Variants in PHKG1 observed in about 807,000 individuals in gnomAD.
PHKG1 encodes the protein phosphorylase b kinase gamma catalytic chain, skeletal muscle/heart isoform.
In PHKG1, 48 loss-of-function variants were observed where a neutral mutation model predicts 50.5. The observed-to-expected ratio is 0.95, with a 90% CI of 0.75 to 1.21. The LOEUF is 1.21. Ranked by LOEUF, PHKG1 falls within the 50% of genes most tolerant of loss-of-function variation. The pLI is 0.00. For missense variants in PHKG1, 487 were observed against 519.5 expected, an observed-to-expected ratio of 0.94 and a Z score of 0.61; for synonymous variants, 204 against 212.8, an observed-to-expected ratio of 0.96 and a Z score of 0.36.
At chr7:56,090,146 C>T (rs1249713971) in intron 1 of PHKG1, among the ~76,000 whole-genome samples, 1 of 151,982 alleles carries the variant, frequency 6.6e-6, no homozygotes, top group Non-Finnish European at 1.5e-5. Context: ...GACGGAGTCT[C>T]AGTCCGTCAC....
chr7:56,088,728 G>T (rs559952561), intron 2 of PHKG1, 131 bp downstream of exon 2: 1 of 628,366 alleles, frequency 1.6e-6, no homozygotes, highest in East Asian at 2.8e-5. Flanking sequence ...CCAAACAAAG[G>T]GTTTCTCCAA....
At chr7:56,086,809 G>A (rs557407593) in intron 4 of PHKG1, 161 bp downstream of exon 4, 7 of 624,222 alleles carry the variant, frequency 1.1e-5, no homozygotes, top group Middle Eastern at 3.4e-4. Flanking sequence ...TTCCAAAGCC[G>A]GCAGCCTGAC....
chr7:56,081,987 C>T lies in PHKG1; in HGVS notation c.698G>A (p.Arg233Gln), dbSNP rs377598630. The T allele has an allele frequency of 9.9e-6, 16 of 1,613,814 alleles. No individual in the cohort carries two copies. The highest frequency in any genetic ancestry group is 2.2e-5 in the South Asian group (2 of 91,092). Residue 233 changes from arginine to glutamine, a missense_variant, in exon 8 of 10, where the codon CGG (arginine) becomes CAG (glutamine). Physicochemically the swap from Arg to Gln is conservative, Grantham distance 43. Transcript: ENST00000297373. This position sits in a 1 kb window ranked among gnomAD's most constrained non-coding sequence, Gnocchi z 4.6. ...LLAGSPPFWH[R>Q]KQMLMLRMIM... Reference sequence around the variant, plus strand: ...CATCCTCAGCATCAGCATCTGCTTCCGGTGCCAGAAGGGCGGGGAGCCGGC... The same window carrying T: ...CATCCTCAGCATCAGCATCTGCTTCTGGTGCCAGAAGGGCGGGGAGCCGGC...
intron 6 of PHKG1, among the ~76,000 whole-genome samples, 156 bp from the exon 7 acceptor site, chr7:56,082,409 A>G (rs529516380): frequency 2.0e-5 from 3 of 152,232 alleles, no homozygotes; most frequent in South Asian, 4.1e-4. Flanking sequence ...CCTGGCCAAC[A>G]TGGCGAAACT....
In PHKG1 at chr7:56,081,381, C is replaced by T. The variant is rs35515485; in HGVS notation, c.919-82G>A. On this transcript the variant is annotated intron_variant, in intron 9 of 9. Transcript: ENST00000297373. This position sits in a 1 kb window ranked among gnomAD's most constrained non-coding sequence, Gnocchi z 4.6. Reference sequence around the variant, plus strand: ...CTCCAGCACAGGGACGCTCTGGGCTCGTTTGCCACGAAGCCTTGGGTGGCT... The same window carrying T: ...CTCCAGCACAGGGACGCTCTGGGCTTGTTTGCCACGAAGCCTTGGGTGGCT... 0.021 allele frequency: 30,714 copies of T among 1,488,106 alleles called. 525 individuals are homozygous for T. Among genetic ancestry groups the T allele is most frequent in the Admixed American group, 0.069 (3,112 of 45,278 alleles). The allele number at this position is 1,488,106 out of a possible 1,614,324, so 92.2% of individuals were successfully genotyped here. A position where few individuals can be genotyped will look rare whatever the true frequency, so the allele number is the denominator to read the frequency against.
chr7:56,088,375 G>T (rs1584630934), intron 2 of PHKG1, among the ~76,000 whole-genome samples: 4 of 151,544 alleles, frequency 2.6e-5, no homozygotes, highest in African/African-American at 9.7e-5. Context: ...AATAGAGATG[G>T]TTAGCCAGAC....
rs1584615033 is a variant in PHKG1, at chr7:56,080,730, T to G, written c.*324A>C. 2.7e-6 allele frequency: 1 copy of G among 367,616 alleles called. No homozygotes were observed. Among genetic ancestry groups the G allele is most frequent in the East Asian group, 5.8e-5 (1 of 17,194 alleles). The allele number at this position is 367,616 out of a possible 1,614,324, so 22.8% of individuals were successfully genotyped here. A position where few individuals can be genotyped will look rare whatever the true frequency, so the allele number is the denominator to read the frequency against. On this transcript the variant is annotated 3_prime_UTR_variant, in exon 10 of 10. Transcript: ENST00000297373. ...TAAGGGAAGAAAGCCTGAGTGTCAG[T>G]AACTCTGGGCCTCCCCTAAAGAGAA...
rs1795924162 is a variant in PHKG1, at chr7:56,080,605, A to G, written c.*449T>C. 5.1e-6 allele frequency: 1 copy of G among 197,708 alleles called. No homozygotes were observed. The highest frequency in any genetic ancestry group is 2.3e-5 in the African/African-American group (1 of 42,636). The allele number at this position is 197,708 out of a possible 1,614,324, so 12.2% of individuals were successfully genotyped here. The stretch of plus-strand genomic sequence containing the variant: ...CTCCAAAAACATGTCCCTGGAGAGT[A>G]GCCTGCTCCCACACTGTCACTGGAT... On this transcript the variant is annotated 3_prime_UTR_variant, in exon 10 of 10. Transcript: ENST00000297373.
In PHKG1 at chr7:56,083,401, G is replaced by A. The variant is rs1256757429; in HGVS notation, c.424C>T (p.His142Tyr). 6.2e-7 allele frequency: 1 copy of A among 1,614,176 alleles called. No homozygotes were observed. The highest frequency in any genetic ancestry group is 8.5e-7 in the Non-Finnish European group (1 of 1,180,024). The part of the protein sequence containing the change: ...RALLEVICTL[H>Y]KLNIVHRDLK... ...TCCCGGTGCACGATGTTGAGTTTGT[G>A]CAAGGTGCAGATCACCTCCAGCAGA... Residue 142 changes from histidine to tyrosine, a missense_variant, in exon 6 of 10, where the codon CAC becomes TAC. Coordinates refer to ENST00000297373, the MANE Select transcript of PHKG1 (RefSeq NM_006213.5).
chr7:56,092,469 C>T (rs964264489), intron 1 of PHKG1, among the ~76,000 whole-genome samples: 2 of 152,178 alleles, frequency 1.3e-5, no homozygotes, highest in Admixed American at 1.3e-4. Flanking sequence ...TATGGGGTTT[C>T]ACCATGTTGG....
chr7:56,085,691 G>A (rs1796221746), intron 4 of PHKG1, among the ~76,000 whole-genome samples: 1 of 152,170 alleles, frequency 6.6e-6, no homozygotes, highest in African/African-American at 2.4e-5. Flanking sequence ...CAGCCTGGGC[G>A]CAGTGGCTCA....
intron 5 of PHKG1, 24 bp downstream of exon 5, chr7:56,083,626 A>G (rs778940731): frequency 6.4e-7 from 1 of 1,565,670 alleles, no homozygotes; most frequent in South Asian, 1.1e-5. Context: ...GAGGGAGCGG[A>G]GAGAAGGGCA....
Position 56,090,038 on chromosome 7 carries a change from C to A in PHKG1, c.-34-1063G>T, listed in dbSNP as rs140148521. Reference sequence around the variant, plus strand: ...TTGTTGTGACTGTGTTCTCTGAAAACACACCCCCTTCTAGGACAGGCTTCC... The same window carrying A: ...TTGTTGTGACTGTGTTCTCTGAAAAAACACCCCCTTCTAGGACAGGCTTCC... On this transcript the variant is annotated intron_variant, in intron 1 of 9. Coordinates refer to ENST00000297373, the MANE Select transcript of PHKG1 (RefSeq NM_006213.5). Among the ~76,000 whole-genome samples, 340 of 152,272 alleles carry A rather than the reference C, an allele frequency of 2.2e-3. No homozygotes were observed. In the Middle Eastern group the frequency reaches 0.034, roughly 15 times the overall value.
chr7:56,084,280 G>A (rs1796155566), intron 4 of PHKG1: 1 of 1,252,892 alleles, frequency 8.0e-7, no homozygotes, highest in South Asian at 1.3e-5. Flanking sequence ...GATGTATCGG[G>A]GCCTAAATGA....
At chr7:56,088,528 A>AT (rs1165157834) in intron 2 of PHKG1, 5 of 180,410 alleles carry the variant, frequency 2.8e-5, no homozygotes, top group African/African-American at 1.2e-4. Context: ...CTATCTTAAA[A>AT]AAAAAAAAAA....
At position 56,087,103 on chromosome 7, in the gene PHKG1, C is replaced by T. The variant is rs566455212; in HGVS notation, c.263-79G>A. 23 of 1,072,674 alleles carry T rather than the reference C, an allele frequency of 2.1e-5. No homozygotes were observed. In the East Asian group the frequency reaches 2.6e-4, roughly 12 times the overall value. The allele number at this position is 1,072,674 out of a possible 1,614,324, so 66.4% of individuals were successfully genotyped here. ...CAGCCGGGGCACGGGGGTCAGGGAC[C>T]GAGGCTGCTGTGGGCTAACTTCAAA... On this transcript the variant is annotated intron_variant, in intron 3 of 9. Transcript: ENST00000297373.
rs201139713 is a variant in PHKG1, at chr7:56,082,168, C to T, written c.633G>A (p.Val211=). Residue 211 remains valine (V), a synonymous_variant, in exon 7 of 10, where the codon GTG becomes GTA. Coordinates refer to ENST00000297373, the MANE Select transcript of PHKG1 (RefSeq NM_006213.5). ...TCCTTTCCCGGCGCACTCACATGTC[C>T]ACCTCTTTCCCGTAGCCCGGGTGGT... The part of the protein sequence containing the change: ...NEDHPGYGKE[V]DMWSTGVIMY... 1.6e-4 allele frequency: 257 copies of T among 1,613,866 alleles called. 5 individuals are homozygous for T. In the South Asian group the frequency reaches 2.7e-3, roughly 17 times the overall value.
intron 4 of PHKG1, chr7:56,084,007 A>AAG (rs1796143143): frequency 1.6e-6 from 1 of 617,618 alleles, no homozygotes; most frequent in Non-Finnish European, 2.8e-6. Flanking sequence ...CCCTGGAAAA[A>AAG]TTTTTCCCAC....
intron 4 of PHKG1, among the ~76,000 whole-genome samples, chr7:56,085,001 C>G (rs1796194251): frequency 6.6e-6 from 1 of 152,196 alleles, no homozygotes; most frequent in Admixed American, 6.5e-5. Flanking sequence ...TCCTCTGTTG[C>G]CCAGGCTGGA....
Sources: gnomAD v4.1 joint callset for allele counts (sites outside exome capture counted in the v4.1 genomes callset) on GRCh38, gnomAD v4.1.1 for gene constraint, Gnocchi (gnomAD v3.1) non-coding constraint, MANE v1.5 for transcripts, NCBI Gene and HGNC (gene_info 2026-07-23, HGNC 2026-07-21) for gene names.